Variants in LOXHD1 observed in about 807,000 individuals in gnomAD.
The protein encoded by LOXHD1 is lipoxygenase homology domain-containing protein 1.
LOXHD1 carries 205 observed loss-of-function variants against 248.2 expected under a neutral mutation model. That is an observed-to-expected ratio of 0.83 (90% CI 0.74 to 0.93). LOXHD1 has a LOEUF of 0.93. LOXHD1 is among the 40% of genes least tolerant of loss of function. LOXHD1 has a pLI of 0.00. For missense variants in LOXHD1, 2,930 were observed against 2,971.6 expected (o/e 0.99, Z 0.33); for synonymous variants, 1,113 against 1,162.8 (o/e 0.96, Z 0.87).
intron 8 of LOXHD1, among the ~76,000 whole-genome samples, chr18:46,595,996 A>C (rs1021254307): frequency 5.3e-5 from 8 of 152,124 alleles, no homozygotes; most frequent in African/African-American, 1.9e-4. Flanking sequence ...ATTTATGATA[A>C]AAGTTCTGGT....
chr18:46,574,573 G>A (rs917651180), intron 14 of LOXHD1, among the ~76,000 whole-genome samples: 1 of 148,870 alleles, frequency 6.7e-6, no homozygotes, highest in African/African-American at 2.5e-5. Context: ...GTTGGCAAAT[G>A]CCATCACTAC....
chr18:46,570,562 G>C (rs2144088508), intron 15 of LOXHD1, among the ~76,000 whole-genome samples: 1 of 152,314 alleles, frequency 6.6e-6, no homozygotes, highest in South Asian at 2.1e-4. Flanking sequence ...GGGCACTTGA[G>C]GAAATGGCCT....
intron 17 of LOXHD1, 66 bp downstream of exon 17, chr18:46,566,191 C>A (rs1306379927): frequency 2.0e-6 from 3 of 1,477,012 alleles, no homozygotes; most frequent in African/African-American, 2.8e-5. Flanking sequence ...ATGGTCCCTC[C>A]TCCTTCCCCT....
intron 38 of LOXHD1, among the ~76,000 whole-genome samples, chr18:46,487,715 C>A (rs74418532): frequency 0.16 from 24,769 of 152,162 alleles, 2,191 homozygotes; most frequent in Non-Finnish European, 0.2. Flanking sequence ...CGAGCAGCCA[C>A]CTTCCACAAT....
intron 6 of LOXHD1, among the ~76,000 whole-genome samples, chr18:46,607,123 T>C (rs1369104083): frequency 2.0e-5 from 3 of 151,576 alleles, no homozygotes; most frequent in Non-Finnish European, 2.9e-5. Flanking sequence ...GAGCCAAGAT[T>C]GTGCCACTGC....
intron 6 of LOXHD1, among the ~76,000 whole-genome samples, chr18:46,606,915 C>G (rs1381226687): frequency 6.6e-6 from 1 of 152,066 alleles, no homozygotes; most frequent in Non-Finnish European, 1.5e-5. Flanking sequence ...CCTGTAAACA[C>G]AGCACTTTCA....
rs147298348 is a variant in LOXHD1, at chr18:46,535,461, C to A, written c.4096-1010G>T. ...AACTGGGCGGGGGATGGGGCAGCTA[C>A]AACATCTTCTCTCTCCCACCTGGAG... On this transcript the variant is annotated intron_variant, in intron 26 of 40. Coordinates refer to ENST00000642948, the MANE Select transcript of LOXHD1 (RefSeq NM_001384474.1). Among the ~76,000 whole-genome samples the A allele has an allele frequency of 4.1e-3, 621 of 152,194 alleles. 8 individuals carry two copies. The highest frequency in any genetic ancestry group is 0.037 in the South Asian group (176 of 4,794).
chr18:46,517,768 T>A (rs1474944906), intron 34 of LOXHD1, among the ~76,000 whole-genome samples: 1 of 152,232 alleles, frequency 6.6e-6, no homozygotes, highest in African/African-American at 2.4e-5. Flanking sequence ...CCCCTTCACC[T>A]AGCTCTCCTT....
At chr18:46,591,555 A>G (rs2038168492) in intron 12 of LOXHD1, among the ~76,000 whole-genome samples, 1 of 152,260 alleles carries the variant, frequency 6.6e-6, no homozygotes, top group Non-Finnish European at 1.5e-5. Flanking sequence ...CTGGGGCTAC[A>G]GGATCCCAGA....
rs538999710 is a variant in LOXHD1, at chr18:46,652,411, C to G, written c.131-3142G>C. 1.2e-4 allele frequency among the ~76,000 whole-genome samples: 18 copies of G among 152,212 alleles called. 1 individual carries two copies. In the South Asian group the frequency reaches 3.5e-3, roughly 30 times the overall value. ...TTGAAAAATGGACAAAAGACTCAAA[C>G]AGACATACCACAAAAGAGGATAGCC... On this transcript the variant is annotated intron_variant, in intron 1 of 40. Transcript: ENST00000642948.
intron 38 of LOXHD1, among the ~76,000 whole-genome samples, chr18:46,488,763 A>G (rs2033249529): frequency 6.6e-6 from 1 of 152,100 alleles, no homozygotes; most frequent in South Asian, 2.1e-4. Context: ...CTGCTACCTA[A>G]TTAGTCCCTG....
chr18:46,634,968 A>T (rs910191615), intron 4 of LOXHD1, among the ~76,000 whole-genome samples: 1 of 151,694 alleles, frequency 6.6e-6, no homozygotes, highest in Admixed American at 6.6e-5. Context: ...TTTTACCACA[A>T]TTTTTTTTTA....
intron 19 of LOXHD1, 35 bp downstream of exon 19, chr18:46,560,048 T>TGCCAGGC: frequency 8.2e-7 from 1 of 1,226,296 alleles, no homozygotes; most frequent in Non-Finnish European, 1.1e-6. Context: ...GTCTGGCCAC[T>TGCCAGGC]CCCTCCCCAC....
intron 20 of LOXHD1, 33 bp downstream of exon 20, chr18:46,559,415 C>G: frequency 2.6e-6 from 4 of 1,551,808 alleles, no homozygotes; most frequent in Non-Finnish European, 3.5e-6. Context: ...AAACCCACAG[C>G]CCCCACCCAG....
intron 20 of LOXHD1, 145 bp from the exon 21 acceptor site, chr18:46,557,634 G>T: frequency 9.9e-7 from 1 of 1,011,848 alleles, no homozygotes; most frequent in Non-Finnish European, 1.5e-6. Flanking sequence ...GATGGAGAAT[G>T]TCACTTAGTA....
chr18:46,578,681 G>A lies in LOXHD1; in HGVS notation c.1810-814C>T, dbSNP rs1354706629. Among the ~76,000 whole-genome samples the A allele has an allele frequency of 2.0e-5, 3 of 152,222 alleles. No homozygotes were observed. In the East Asian group the frequency reaches 5.8e-4, roughly 29 times the overall value. Reference sequence around the variant, plus strand: ...CACCAAGGAAGTCGTGGCAGAGGAAGGAGATAGAGCAGTTGTCTGCAAATC... The same window carrying A: ...CACCAAGGAAGTCGTGGCAGAGGAAAGAGATAGAGCAGTTGTCTGCAAATC... On this transcript the variant is annotated intron_variant, in intron 13 of 40. Coordinates refer to ENST00000642948, the MANE Select transcript of LOXHD1 (RefSeq NM_001384474.1).
Position 46,514,122 on chromosome 18 carries a change from T to C in LOXHD1, c.5399+4007A>G, listed in dbSNP as rs556828186. The stretch of plus-strand genomic sequence containing the variant: ...TATCTTGTGGGCATCTTTGCTGTGG[T>C]TTGAGAGTAGAACAAGGTCAAATCT... On this transcript the variant is annotated intron_variant, in intron 34 of 40. Transcript: ENST00000642948. Among the ~76,000 whole-genome samples, 6 of 152,304 alleles carry C rather than the reference T, an allele frequency of 3.9e-5. No homozygotes were observed. The East Asian group carries it at 9.6e-4, about 24-fold the overall frequency.
chr18:46,629,182 AG>A (rs1288017024), intron 4 of LOXHD1, among the ~76,000 whole-genome samples: 1 of 152,164 alleles, frequency 6.6e-6, no homozygotes, highest in African/African-American at 2.4e-5. Flanking sequence ...CACTCTACAG[AG>A]GGAGAAACTG....
intron 33 of LOXHD1, chr18:46,520,305 G>A: frequency 4.2e-6 from 2 of 471,132 alleles, no homozygotes; most frequent in South Asian, 3.1e-5. Flanking sequence ...CACCTTTGTG[G>A]GACAGCTTCT....
Sources: gnomAD v4.1 joint callset for allele counts (sites outside exome capture counted in the v4.1 genomes callset) on GRCh38, gnomAD v4.1.1 for gene constraint, MANE v1.5 for transcripts, NCBI Gene and HGNC (gene_info 2026-07-23, HGNC 2026-07-21) for gene names.